The following MAPK10 variants were observed in gnomAD, a reference collection of about 807,000 sequenced individuals.
MAPK10 encodes mitogen-activated protein kinase 10, also known as JNK3 alpha protein kinase.
In MAPK10, 25 loss-of-function variants were observed where a neutral mutation model predicts 59.3. That is an observed-to-expected ratio of 0.42 (90% CI 0.31 to 0.59). The LOEUF is 0.59. MAPK10 is among the 20% of genes least tolerant of loss of function. The pLI, the probability that MAPK10 is intolerant of heterozygous loss-of-function variation, is 0.15. For missense variants in MAPK10, 351 were observed against 568.9 expected (o/e 0.62, Z 3.90); for synonymous variants, 190 against 200.5 (o/e 0.95, Z 0.44).
chr4:86,391,058 C>G (rs575835219), intron 1 of MAPK10, among the ~76,000 whole-genome samples: 63 of 152,268 alleles, frequency 4.1e-4, no homozygotes, highest in Admixed American at 5.2e-4. Flanking sequence ...CTTTTATTTT[C>G]TCCATATTTG....
intron 2 of MAPK10, among the ~76,000 whole-genome samples, chr4:86,284,159 C>T (rs2148806150): frequency 6.6e-6 from 1 of 152,280 alleles, no homozygotes; most frequent in South Asian, 2.1e-4. Context: ...ATGCAATACT[C>T]ACTGAATCCT....
chr4:86,039,604 C>A (rs1459324007), intron 11 of MAPK10, among the ~76,000 whole-genome samples: 1 of 152,152 alleles, frequency 6.6e-6, no homozygotes, highest in Admixed American at 6.5e-5. Flanking sequence ...AGCAGCCCAG[C>A]CTCTGGAACT....
chr4:86,145,559 T>C (rs1445743088), intron 4 of MAPK10, among the ~76,000 whole-genome samples: 1 of 152,190 alleles, frequency 6.6e-6, no homozygotes, highest in East Asian at 1.9e-4. Flanking sequence ...TCCGAAATTG[T>C]TCTCTAACAA....
chr4:86,332,635 A>G (rs1472389151), intron 2 of MAPK10: 1 of 152,210 alleles, frequency 6.6e-6, no homozygotes, highest in Non-Finnish European at 1.5e-5. Context: ...CCACAGAGAA[A>G]TAGGCCATTT....
chr4:86,201,210 G>T (rs905358823), intron 2 of MAPK10, among the ~76,000 whole-genome samples: 1 of 151,866 alleles, frequency 6.6e-6, no homozygotes, highest in Non-Finnish European at 1.5e-5. Context: ...ATATTCCATT[G>T]TGTATATGTA....
At chr4:86,507,286 A>G (rs1020321751) in intron 1 of MAPK10, among the ~76,000 whole-genome samples, 7 of 152,022 alleles carry the variant, frequency 4.6e-5, no homozygotes, top group Non-Finnish European at 1.0e-4. Context: ...TAAAAACAAT[A>G]ATAAAATACC....
At chr4:86,531,763 G>A (rs890916951) in intron 1 of MAPK10, among the ~76,000 whole-genome samples, 1 of 152,104 alleles carries the variant, frequency 6.6e-6, no homozygotes, top group African/African-American at 2.4e-5. Context: ...ATTGGGGGAG[G>A]GGAGAGCTGA....
chr4:86,223,623 T>A (rs979261672), intron 2 of MAPK10, among the ~76,000 whole-genome samples: 1 of 152,178 alleles, frequency 6.6e-6, no homozygotes, highest in Non-Finnish European at 1.5e-5. Context: ...CATTTCCACC[T>A]GCAGGAGGCA....
chr4:86,538,151 CTT>C (rs398063764), intron 1 of MAPK10, among the ~76,000 whole-genome samples: 2 of 146,472 alleles, frequency 1.4e-5, no homozygotes, highest in African/African-American at 2.5e-5. Flanking sequence ...TATAATAAAT[CTT>C]TTTTTTTTTT....
intron 2 of MAPK10, among the ~76,000 whole-genome samples, chr4:86,227,212 G>A (rs1444218402): frequency 2.6e-5 from 4 of 152,156 alleles, no homozygotes; most frequent in African/African-American, 9.6e-5. Context: ...ACACGGCCGG[G>A]TGGGGTGGCT....
At chr4:86,336,784 C>CTTTTT (rs70948788) in intron 2 of MAPK10, among the ~76,000 whole-genome samples, 32 of 83,090 alleles carry the variant, frequency 3.9e-4, no homozygotes, top group South Asian at 5.5e-4. Context: ...GGAATGACTC[C>CTTTTT]TTTTTTTTTT....
At chr4:86,107,088 ATTGGC>A (rs1472276295) in intron 5 of MAPK10, 130 bp downstream of exon 5, 1 of 636,464 alleles carries the variant, frequency 1.6e-6, no homozygotes, top group African/African-American at 1.8e-5. Context: ...AATGTAGCAT[ATTGGC>A]AGGATAAACA....
intron 1 of MAPK10, among the ~76,000 whole-genome samples, chr4:86,489,069 T>C (rs969567343): frequency 1.3e-5 from 2 of 152,240 alleles, no homozygotes; most frequent in African/African-American, 2.4e-5. Context: ...CAAGATACTC[T>C]AGCCAACAGC....
intron 1 of MAPK10, among the ~76,000 whole-genome samples, chr4:86,452,782 C>G (rs1157827516): frequency 6.6e-6 from 1 of 152,092 alleles, no homozygotes; most frequent in Non-Finnish European, 1.5e-5. Flanking sequence ...AGCTCCCACT[C>G]GGACAGACAG....
At chr4:86,329,001 C>T (rs1368323456) in intron 2 of MAPK10, among the ~76,000 whole-genome samples, 1 of 152,082 alleles carries the variant, frequency 6.6e-6, no homozygotes, top group Middle Eastern at 3.4e-3. Flanking sequence ...ACATGTATCC[C>T]GGGACTTAAA....
chr4:86,587,924 G>A (rs1470278923), intron 1 of MAPK10, among the ~76,000 whole-genome samples: 1 of 152,214 alleles, frequency 6.6e-6, no homozygotes, highest in Admixed American at 6.5e-5. Context: ...GGCTGAGGCT[G>A]TAGATTCACT....
intron 13 of MAPK10, among the ~76,000 whole-genome samples, chr4:86,023,217 C>G (rs1748266785): frequency 6.6e-6 from 1 of 152,190 alleles, no homozygotes. Flanking sequence ...CCATGTCTTA[C>G]ATCCTTATCA....
At chr4:86,187,649 G>T (rs1016193145) in intron 3 of MAPK10, among the ~76,000 whole-genome samples, 1 of 152,074 alleles carries the variant, frequency 6.6e-6, no homozygotes, top group Admixed American at 6.6e-5. Context: ...AAATCTTTAA[G>T]TGTAAATATA....
Position 86,229,071 on chromosome 4 carries a change from T to A in MAPK10, c.-6-34664A>T, listed in dbSNP as rs149350239. Among the ~76,000 whole-genome samples, 9 of 152,110 alleles carry A rather than the reference T, an allele frequency of 5.9e-5. No individual in the cohort carries two copies. The East Asian group carries it at 1.5e-3, about 26-fold the overall frequency. On this transcript the variant is annotated intron_variant, in intron 2 of 13. Transcript: ENST00000641462. ...TGAAATTTTCAACCTTCATTATGAG[T>A]TTTCAAGGCAACTAAAGGTTGCCCA...
Sources: gnomAD v4.1 joint callset for allele counts (sites outside exome capture counted in the v4.1 genomes callset) on GRCh38, gnomAD v4.1.1 for gene constraint, MANE v1.5 for transcripts, NCBI Gene and HGNC (gene_info 2026-07-23, HGNC 2026-07-21) for gene names.